ZBTB7B: variants seen among roughly 807,000 people sequenced by gnomAD.
The protein encoded by ZBTB7B is zinc finger and BTB domain-containing protein 7B.
Under a neutral mutation model 31.0 loss-of-function variants are expected in ZBTB7B, and 8 were observed. The ratio of observed to expected loss-of-function variants is 0.26; its 90% CI spans 0.15 to 0.47. The LOEUF (loss-of-function observed/expected upper bound fraction) is 0.47. Among genes scored for constraint, ZBTB7B ranks in the 20% least tolerant of loss-of-function variants. The probability of loss-of-function intolerance (pLI) is 0.99; values close to 1 mark genes in which losing one functional copy is unlikely to be tolerated. For missense variants in ZBTB7B, 494 were observed against 742.4 expected, an observed-to-expected ratio of 0.67 and a Z score of 3.89; for synonymous variants, 261 against 307.3, an observed-to-expected ratio of 0.85 and a Z score of 1.58.
Position 155,015,243 on chromosome 1 carries a change from C to A in ZBTB7B, c.583C>A (p.Arg195=), listed in dbSNP as rs367725892. 4 of 1,613,626 alleles carry A rather than the reference C, an allele frequency of 2.5e-6. No homozygotes were observed. Among genetic ancestry groups the A allele is most frequent in the Non-Finnish European group, 3.4e-6 (4 of 1,180,006 alleles). Residue 195 remains arginine (R), a synonymous_variant, in exon 2 of 3, where the codon CGG becomes AGG. Transcript: ENST00000535420. The stretch of plus-strand genomic sequence containing the variant: ...CCCACCACCTCCGCCACCGCCACCT[C>A]GGCCTGTTGCCCGCCGCAGCCGCAA... The part of the protein sequence containing the change: ...PLPPPPPPPP[R]PVARRSRKPR...
In ZBTB7B at chr1:155,015,109, G is replaced by T. The variant is rs566124976; in HGVS notation, c.449G>T (p.Ser150Ile). Residue 150 changes from serine (S) to isoleucine (I), a missense_variant, in exon 2 of 3, where the codon AGC becomes ATC. Ser to Ile is a moderately radical substitution (Grantham distance 142, BLOSUM62 -2). Around this residue, in one of 5 missense-constraint regions of ZBTB7B, gnomAD observed 90 missense variants for 143.2 expected, o/e 0.63. Coordinates refer to ENST00000535420, the MANE Select transcript of ZBTB7B (RefSeq NM_001256455.2). Reference sequence around the variant, plus strand: ...CAGGGCAGTGGGCTAGAAGCTCCCAGCCCGGACGAGGATGACTGTGAGCGA... The same window carrying T: ...CAGGGCAGTGGGCTAGAAGCTCCCATCCCGGACGAGGATGACTGTGAGCGA... ...ILQGSGLEAP[S>I]PDEDDCERAR... 2 of 1,613,572 alleles carry T rather than the reference G, an allele frequency of 1.2e-6. No individual in the cohort carries two copies. Among genetic ancestry groups the T allele is most frequent in the African/African-American group, 2.7e-5 (2 of 75,004 alleles).
Position 155,004,826 on chromosome 1 carries a change from C to T in ZBTB7B, c.-7+1883C>T, listed in dbSNP as rs1658461263. 6.6e-6 allele frequency among the ~76,000 whole-genome samples: 1 copy of T among 152,078 alleles called. No individual in the cohort carries two copies. Among genetic ancestry groups the T allele is most frequent in the African/African-American group, 2.4e-5 (1 of 41,394 alleles). On this transcript the variant is annotated intron_variant, in intron 1 of 2. Transcript: ENST00000535420. This position sits in a 1 kb window ranked among gnomAD's most constrained non-coding sequence, Gnocchi z 4.0. Reference sequence around the variant, plus strand: ...AACACAACCTGCTGGCACCCCCAGACACTGTCCCCTCCCTTGGGTACCACA... The same window carrying T: ...AACACAACCTGCTGGCACCCCCAGATACTGTCCCCTCCCTTGGGTACCACA...
At chr1:155,012,668 C>T (rs1192760847) in intron 1 of ZBTB7B, among the ~76,000 whole-genome samples, 1 of 151,914 alleles carries the variant, frequency 6.6e-6, no homozygotes, top group South Asian at 2.1e-4. Flanking sequence ...GAAGGACATG[C>T]GGGTGCTGCT....
At chr1:155,005,117 G>A (rs1003228259) in intron 1 of ZBTB7B, among the ~76,000 whole-genome samples, 14 of 152,122 alleles carry the variant, frequency 9.2e-5, no homozygotes, top group African/African-American at 2.2e-4. Flanking sequence ...GGGAGGGTGC[G>A]GCGGGCAGCG....
At chr1:155,002,236 C>T (rs1372184990), upstream of ZBTB7B, among the ~76,000 whole-genome samples, 3 of 151,300 alleles carry the variant, frequency 2.0e-5, no homozygotes, top group African/African-American at 7.3e-5. Context: ...AGGGCGGTGG[C>T]GTGCAGGGGG....
rs946862051 is a variant in ZBTB7B at position 155,015,023 on chromosome 1, G to A, written c.363G>A (p.Val121=). Residue 121 remains valine (V), a synonymous_variant, in exon 2 of 3, where the codon GTG becomes GTA. Coordinates refer to ENST00000535420, the MANE Select transcript of ZBTB7B (RefSeq NM_001256455.2). ...LTTSSANMPA[V]LQAARLLEIP... ...CCAGCAGCGCCAACATGCCAGCTGT[G>A]CTCCAGGCTGCCCGCCTGCTGGAGA... 1 of 1,613,928 alleles carries A rather than the reference G, an allele frequency of 6.2e-7. No homozygotes were observed. The highest frequency in any genetic ancestry group is 8.5e-7 in the Non-Finnish European group (1 of 1,180,014).
intron 1 of ZBTB7B, among the ~76,000 whole-genome samples, chr1:155,007,387 G>C (rs543916219): frequency 6.6e-6 from 1 of 152,340 alleles, no homozygotes; most frequent in East Asian, 1.9e-4. Flanking sequence ...TCCCTTGCAG[G>C]CTGCAGGCAC....
At position 155,016,540 on chromosome 1, in the gene ZBTB7B, A is replaced by G; in HGVS notation, c.1475A>G (p.Asp492Gly). 1 of 1,614,060 alleles carries G rather than the reference A, an allele frequency of 6.2e-7. No homozygotes were observed. ...CTCGACCTCTCCAATGGCCACCTGG[A>G]CACCTTCCGCCTCTCTCTAGCTCGA... ...AGLDLSNGHL[D>G]TFRLSLARFW... Residue 492 changes from aspartate (D) to glycine (G), a missense_variant, in exon 3 of 3, where the codon GAC becomes GGC. Asp to Gly is a moderately conservative substitution (Grantham distance 94). Around this residue, in one of 5 missense-constraint regions of ZBTB7B, gnomAD observed 101 missense variants for 119.5 expected, o/e 0.85. Transcript: ENST00000535420. The surrounding 1 kb of genome is among the most constrained non-coding windows in gnomAD (Gnocchi z 4.3).
intron 1 of ZBTB7B, among the ~76,000 whole-genome samples, chr1:155,005,616 TG>T (rs1658514256): frequency 6.6e-6 from 1 of 152,242 alleles, no homozygotes; most frequent in African/African-American, 2.4e-5. Flanking sequence ...CTGCCCCGCT[TG>T]GCTCCCTGAC....
chr1:155,001,784 C>G (rs1658235914), upstream of ZBTB7B, among the ~76,000 whole-genome samples: 1 of 151,806 alleles, frequency 6.6e-6, no homozygotes, highest in Admixed American at 6.5e-5. This position sits in a 1 kb window ranked among gnomAD's most constrained non-coding sequence, Gnocchi z 4.8. Context: ...CCTTCCCTCC[C>G]CGCGGGGCAC....
rs981756987 is a variant in ZBTB7B at position 155,004,805 on chromosome 1, C to A, written c.-7+1862C>A. On this transcript the variant is annotated intron_variant, in intron 1 of 2. Transcript: ENST00000535420. This position sits in a 1 kb window ranked among gnomAD's most constrained non-coding sequence, Gnocchi z 4.0. ...TTACATGGTTGCTGTGGGCACAACACAACCTGCTGGCACCCCCAGACACTG... is the reference window on the plus strand; with the variant it reads ...TTACATGGTTGCTGTGGGCACAACAAAACCTGCTGGCACCCCCAGACACTG... 2.0e-5 allele frequency among the ~76,000 whole-genome samples: 3 copies of A among 151,804 alleles called. No homozygotes were observed. The highest frequency in any genetic ancestry group is 4.8e-5 in the African/African-American group (2 of 41,280).
chr1:155,005,661 C>T (rs1217618795), intron 1 of ZBTB7B, among the ~76,000 whole-genome samples: 1 of 152,220 alleles, frequency 6.6e-6, no homozygotes, highest in African/African-American at 2.4e-5. Flanking sequence ...TGACACCAGG[C>T]CTTAGGGCCT....
intron 1 of ZBTB7B, among the ~76,000 whole-genome samples, chr1:155,007,650 C>T (rs1160155245): frequency 6.6e-6 from 1 of 152,190 alleles, no homozygotes; most frequent in Non-Finnish European, 1.5e-5. Flanking sequence ...GCCTAGGGGC[C>T]TGGGCCCGTC....
upstream of ZBTB7B, among the ~76,000 whole-genome samples, chr1:155,001,978 T>C (rs1411912377): frequency 6.9e-6 from 1 of 144,678 alleles, no homozygotes; most frequent in African/African-American, 2.6e-5. The surrounding 1 kb of genome is among the most constrained non-coding windows in gnomAD (Gnocchi z 4.8). Context: ...AAGTCCCCAA[T>C]TCACCCCCAC....
chr1:155,003,692 C>G lies in ZBTB7B; in HGVS notation c.-7+749C>G, dbSNP rs558906555. Among the ~76,000 whole-genome samples, 505 of 152,326 alleles carry G rather than the reference C, an allele frequency of 3.3e-3. 3 individuals carry two copies. The highest frequency in any genetic ancestry group is 0.014 in the Middle Eastern group (4 of 294). On this transcript the variant is annotated intron_variant, in intron 1 of 2. Coordinates refer to ENST00000535420, the MANE Select transcript of ZBTB7B (RefSeq NM_001256455.2). The surrounding 1 kb of genome is among the most constrained non-coding windows in gnomAD (Gnocchi z 5.8). ...AGGAAGAATTCTCCTACCTACTACC[C>G]GTCCCCCCACCGGCGCCGGCGCACC... is the stretch of plus-strand genomic sequence containing the variant.
At chr1:155,014,544 G>T in intron 1 of ZBTB7B, 111 bp from the exon 2 acceptor site, 3 of 917,198 alleles carry the variant, frequency 3.3e-6, no homozygotes, top group Non-Finnish European at 5.0e-6. Flanking sequence ...GTACTCAGAA[G>T]GGTGACTGGC....
Position 155,004,119 on chromosome 1 carries a change from C to G in ZBTB7B, c.-7+1176C>G, listed in dbSNP as rs913542138. 6.6e-6 allele frequency among the ~76,000 whole-genome samples: 1 copy of G among 152,162 alleles called. No homozygotes were observed. Among genetic ancestry groups the G allele is most frequent in the Admixed American group, 6.5e-5 (1 of 15,282 alleles). On this transcript the variant is annotated intron_variant, in intron 1 of 2. Transcript: ENST00000535420. This position sits in a 1 kb window ranked among gnomAD's most constrained non-coding sequence, Gnocchi z 4.0. ...CGGAGCAGGGGAGGGGCAGAGGCGC[C>G]GGTGCTAGCTGACCCACAGGAAACG...
chr1:155,008,104 G>A lies in ZBTB7B; in HGVS notation c.-7+5161G>A, dbSNP rs1406982279. On this transcript the variant is annotated intron_variant, in intron 1 of 2. Transcript: ENST00000535420. ...GCTTGCGCAAGGGGTGGGGCTAGGC[G>A]CTTCCCAGCAGATGCCCCCTCCCAG... is the stretch of plus-strand genomic sequence containing the variant. 3.3e-5 allele frequency among the ~76,000 whole-genome samples: 5 copies of A among 152,150 alleles called. No individual in the cohort carries two copies. In the East Asian group the frequency reaches 7.7e-4, roughly 23 times the overall value.
At position 155,018,115 on chromosome 1, in the gene ZBTB7B, G is replaced by C. The variant is rs1365520284; in HGVS notation, c.*1430G>C. On this transcript the variant is annotated 3_prime_UTR_variant, in exon 3 of 3. Transcript: ENST00000535420. ...TCCTCCCCCTCCTTAAAAGGGGCAG[G>C]TTCAGGGGCCCGGTGCTCTTCCTCC... is the stretch of plus-strand genomic sequence containing the variant. The C allele has an allele frequency of 5.4e-6, 1 of 186,538 alleles. No individual in the cohort carries two copies. The highest frequency in any genetic ancestry group is 1.4e-4 in the East Asian group (1 of 6,922). The allele number at this position is 186,538 out of a possible 1,614,324, so 11.6% of individuals were successfully genotyped here. A position where few individuals can be genotyped will look rare whatever the true frequency, so the allele number is the denominator to read the frequency against.
Sources: gnomAD v4.1 joint callset for allele counts (sites outside exome capture counted in the v4.1 genomes callset) on GRCh38, gnomAD v4.1.1 for gene constraint, gnomAD v4.1.1 regional missense constraint, Gnocchi (gnomAD v3.1) non-coding constraint, MANE v1.5 for transcripts, NCBI Gene and HGNC (gene_info 2026-07-23, HGNC 2026-07-21) for gene names.